ATG7: variants seen among roughly 807,000 people sequenced by gnomAD.
The protein encoded by ATG7 is ubiquitin-like modifier-activating enzyme ATG7.
A neutral mutation model predicts 82.4 loss-of-function variants in ATG7; 70 were observed. The observed-to-expected ratio is 0.85, with a 90% CI of 0.70 to 1.04. ATG7 has a LOEUF of 1.04. ATG7 is among the 50% of genes least tolerant of loss of function. The pLI is 0.00. For missense variants in ATG7, 792 were observed against 864.3 expected (o/e 0.92, Z 1.05); for synonymous variants, 287 against 313.0 (o/e 0.92, Z 0.88).
At chr3:11,272,900 G>A (rs563925620) in intron 1 of ATG7, among the ~76,000 whole-genome samples, 4 of 152,368 alleles carry the variant, frequency 2.6e-5, no homozygotes, top group South Asian at 4.1e-4. Context: ...TACTTTCTGA[G>A]AAAGAAGATT....
At chr3:11,339,916 A>G (rs1479288558) in intron 11 of ATG7, among the ~76,000 whole-genome samples, 2 of 152,300 alleles carry the variant, frequency 1.3e-5, no homozygotes, top group Admixed American at 1.3e-4. Context: ...TAGAAGACAG[A>G]TATAAGTATA....
At chr3:11,538,874 C>CAA (rs60200228) in intron 20 of ATG7, among the ~76,000 whole-genome samples, 3 of 140,218 alleles carry the variant, frequency 2.1e-5, no homozygotes, top group African/African-American at 2.7e-5. Context: ...ACTCTTGTCT[C>CAA]AAAAAAAAAG....
chr3:11,389,570 C>G (rs976106830), intron 19 of ATG7, among the ~76,000 whole-genome samples: 6 of 151,784 alleles, frequency 4.0e-5, no homozygotes, highest in African/African-American at 1.5e-4. Context: ...CGGGAAAATA[C>G]CGCCTGTGTG....
chr3:11,306,165 C>T (rs914755748), intron 5 of ATG7, among the ~76,000 whole-genome samples: 4 of 152,266 alleles, frequency 2.6e-5, no homozygotes, highest in East Asian at 3.9e-4. Context: ...CCTGGTGGCA[C>T]GACAGATTGA....
At chr3:11,368,600 T>G (rs2076785237) in intron 18 of ATG7, among the ~76,000 whole-genome samples, 1 of 152,092 alleles carries the variant, frequency 6.6e-6, no homozygotes, top group South Asian at 2.1e-4. Flanking sequence ...AAGACCAGCC[T>G]GAGTAACATA....
chr3:11,504,466 T>G (rs1183309674), intron 20 of ATG7, among the ~76,000 whole-genome samples: 1 of 151,790 alleles, frequency 6.6e-6, no homozygotes, highest in Non-Finnish European at 1.5e-5. Context: ...GAATGGGAGA[T>G]CCCACAAAGG....
chr3:11,457,910 G>A (rs2085903250), intron 20 of ATG7, among the ~76,000 whole-genome samples: 1 of 152,166 alleles, frequency 6.6e-6, no homozygotes, highest in Non-Finnish European at 1.5e-5. Context: ...CGGACCTAGT[G>A]CATTGCCTGG....
rs377276138 is a variant in ATG7 at position 11,299,413 on chromosome 3, A to C, written c.212A>C (p.Asp71Ala). The C allele has an allele frequency of 6.2e-7, 1 of 1,608,828 alleles. No individual in the cohort carries two copies. Among genetic ancestry groups the C allele is most frequent in the Admixed American group, 1.7e-5 (1 of 59,992 alleles). ...ARLTLEFSAF[D>A]MSAPTPARCC... The stretch of plus-strand genomic sequence containing the variant: ...TTAACATTGGAGTTCAGTGCTTTTG[A>C]CATGTGAGTATTTATTTGTTCAAAA... The change falls in exon 5 of 21, where the codon GAC (aspartate) becomes GCC (alanine). Residue 71 changes from aspartate to alanine, a missense_variant. Asp to Ala is a moderately radical substitution (Grantham distance 126). Coordinates refer to ENST00000693202, the MANE Select transcript of ATG7 (RefSeq NM_001349232.2).
chr3:11,402,325 C>G (rs1450095674), intron 19 of ATG7, among the ~76,000 whole-genome samples: 1 of 152,136 alleles, frequency 6.6e-6, no homozygotes, highest in Admixed American at 6.5e-5. Context: ...CCCAGCTACT[C>G]AGAAGGCTGA....
intron 17 of ATG7, 67 bp from the exon 18 acceptor site, chr3:11,364,592 G>T (rs1039009117): frequency 1.2e-5 from 18 of 1,537,860 alleles, no homozygotes; most frequent in Non-Finnish European, 1.6e-5. Flanking sequence ...GTAGATTTCT[G>T]CTAGATCATC....
chr3:11,318,613 A>G (rs192431746), intron 9 of ATG7, among the ~76,000 whole-genome samples: 132 of 152,234 alleles, frequency 8.7e-4, no homozygotes, highest in African/African-American at 3.1e-3. Context: ...TAACTCTTCT[A>G]CTTAAAACCC....
At position 11,451,902 on chromosome 3, in the gene ATG7, G is replaced by GAC. The variant is rs750720833; in HGVS notation, c.2079+24992_2079+24993dup. Among the ~76,000 whole-genome samples the GAC allele has an allele frequency of 9.7e-3, 1,229 of 127,102 alleles. 13 individuals carry two copies. Among genetic ancestry groups the GAC allele is most frequent in the African/African-American group, 0.021 (703 of 33,756 alleles). 83.4% of individuals were successfully genotyped at this position (127,102 alleles called of 152,430 possible). The stretch of plus-strand genomic sequence containing the variant: ...ACACACACAGACACACACACACACA[G>GAC]ACACACACACACACACATATACATA... On this transcript the variant is annotated intron_variant, in intron 20 of 20. Coordinates refer to ENST00000693202, the MANE Select transcript of ATG7 (RefSeq NM_001349232.2).
intron 20 of ATG7, among the ~76,000 whole-genome samples, chr3:11,506,554 C>CAAAAAAAAAAAAAAAA (rs754696496): frequency 8.0e-5 from 2 of 24,920 alleles, no homozygotes; most frequent in African/African-American, 1.7e-4. Context: ...CCCATCTCTA[C>CAAAAAAAAAAAAAAAA]AAAAAAAAAA....
intron 20 of ATG7, among the ~76,000 whole-genome samples, chr3:11,519,803 C>T (rs762465467): frequency 4.6e-5 from 7 of 151,834 alleles, no homozygotes; most frequent in East Asian, 1.9e-4. Context: ...CCTTGTGATC[C>T]GCCCACCTCG....
chr3:11,432,455 G>A (rs902765203), intron 20 of ATG7, among the ~76,000 whole-genome samples: 1 of 47,300 alleles, frequency 2.1e-5, no homozygotes, highest in Admixed American at 2.7e-4. Context: ...TGAAGAAGGA[G>A]CCTTGCATAA....
At chr3:11,348,955 C>T (rs111801998) in intron 14 of ATG7, among the ~76,000 whole-genome samples, 6,978 of 151,886 alleles carry the variant, frequency 0.046, 207 homozygotes, top group African/African-American at 0.078. Flanking sequence ...GTTTACAATC[C>T]TCCAGCTAGA....
At chr3:11,341,426 C>T (rs538979196) in intron 12 of ATG7, among the ~76,000 whole-genome samples, 11 of 151,310 alleles carry the variant, frequency 7.3e-5, no homozygotes, top group South Asian at 4.2e-4. Flanking sequence ...TGTTTAAGGG[C>T]GAATCTCAGT....
rs376573664 is a variant in ATG7, at chr3:11,544,533, C to T, written c.2080-10278C>T. On this transcript the variant is annotated intron_variant, in intron 20 of 20. Coordinates refer to ENST00000693202, the MANE Select transcript of ATG7 (RefSeq NM_001349232.2). ...GTGAGGCCAGGAAGGGGAATGAGGG[C>T]GTCAGTGGCCTGGGACCCAGACTTC... is the stretch of plus-strand genomic sequence containing the variant. Among the ~76,000 whole-genome samples the T allele has an allele frequency of 5.9e-5, 9 of 152,216 alleles. No homozygotes were observed. In the South Asian group the frequency reaches 1.9e-3, roughly 31 times the overall value.
chr3:11,417,586 A>G (rs184424776), intron 19 of ATG7, among the ~76,000 whole-genome samples: 3 of 152,032 alleles, frequency 2.0e-5, no homozygotes, highest in Admixed American at 1.3e-4. Flanking sequence ...TTTAGATACC[A>G]TATAATTGGG....
Sources: allele counts gnomAD v4.1 joint callset (sites outside exome capture counted in the v4.1 genomes callset), GRCh38; gene constraint gnomAD v4.1.1; transcripts MANE v1.5; gene names NCBI Gene and HGNC (gene_info 2026-07-23, HGNC 2026-07-21).